The following DGKB variants were observed in gnomAD, a reference collection of about 807,000 sequenced individuals.
DGKB encodes 90 kDa diacylglycerol kinase.
A neutral mutation model predicts 114.3 loss-of-function variants in DGKB; 67 were observed. The observed-to-expected ratio is 0.59, with a 90% CI of 0.48 to 0.72. The LOEUF (loss-of-function observed/expected upper bound fraction) is 0.72. Among genes scored for constraint, DGKB ranks in the 30% least tolerant of loss-of-function variants. The pLI, the probability that DGKB is intolerant of heterozygous loss-of-function variation, is 0.00. For synonymous variants in DGKB, 398 were observed against 323.1 expected, an observed-to-expected ratio of 1.23 and a Z score of -2.49; for missense variants, 907 against 975.2, an observed-to-expected ratio of 0.93 and a Z score of 0.93.
intron 7 of DGKB, among the ~76,000 whole-genome samples, chr7:14,699,068 C>A (rs1824632671): frequency 6.6e-6 from 1 of 151,988 alleles, no homozygotes; most frequent in East Asian, 1.9e-4. Flanking sequence ...AAAACAGATT[C>A]TCTTTTGGGA....
intron 1 of DGKB, among the ~76,000 whole-genome samples, chr7:14,946,558 C>T (rs1194603017): frequency 6.6e-6 from 1 of 151,696 alleles, no homozygotes; most frequent in Non-Finnish European, 1.5e-5. Context: ...TCAATAACAG[C>T]ATCCTTGTCC....
intron 13 of DGKB, among the ~76,000 whole-genome samples, 181 bp downstream of exon 13, chr7:14,672,748 A>C (rs1819178080): frequency 6.6e-6 from 1 of 152,152 alleles, no homozygotes; most frequent in South Asian, 2.1e-4. Context: ...GCGTATTTTG[A>C]CAGAAGGAAA....
At chr7:14,558,328 A>G (rs1796167332) in intron 20 of DGKB, among the ~76,000 whole-genome samples, 1 of 151,940 alleles carries the variant, frequency 6.6e-6, no homozygotes, top group South Asian at 2.1e-4. Context: ...AAGTTTATAA[A>G]TCTTCTTCTG....
chr7:14,572,228 C>T (rs565112883), intron 20 of DGKB, among the ~76,000 whole-genome samples: 3 of 151,008 alleles, frequency 2.0e-5, no homozygotes, highest in East Asian at 2.0e-4. Flanking sequence ...CCGAGGTGGG[C>T]GGATCATGAG....
At chr7:14,846,314 G>C (rs1446999029) in intron 1 of DGKB, among the ~76,000 whole-genome samples, 3 of 152,142 alleles carry the variant, frequency 2.0e-5, no homozygotes, top group Middle Eastern at 6.8e-3. Context: ...AATTCTCATA[G>C]TTCTAACCCT....
rs1414047873 is a variant in DGKB at position 14,452,125 on chromosome 7, AT to A, written c.1835+26035del. Among the ~76,000 whole-genome samples the A allele has an allele frequency of 2.0e-5, 3 of 152,220 alleles. No homozygotes were observed. The East Asian group carries it at 5.8e-4, about 29-fold the overall frequency. Reference sequence around the variant, plus strand: ...AATTATCACCATCGATATGCTTGCAATATTTCCTGCCCAATAGAAAAGAACA... The same window carrying A: ...AATTATCACCATCGATATGCTTGCAAATTTCCTGCCCAATAGAAAAGAACA... On this transcript the variant is annotated intron_variant, in intron 21 of 25. Transcript: ENST00000402815.
chr7:14,881,627 T>C lies in DGKB; in HGVS notation c.-188+20965A>G, dbSNP rs181475352. On this transcript the variant is annotated intron_variant, in intron 1 of 25. Coordinates refer to ENST00000402815, the MANE Select transcript of DGKB (RefSeq NM_001350709.2). The stretch of plus-strand genomic sequence containing the variant: ...GGTATTATGTGTGTAGAATGCTAGT[T>C]GTTTTGTACCAGGAACACTGTGGTG... 6.6e-5 allele frequency among the ~76,000 whole-genome samples: 10 copies of C among 152,210 alleles called. 1 individual carries two copies. In the East Asian group the frequency reaches 1.7e-3, roughly 26 times the overall value.
At chr7:14,747,117 T>C (rs1442096620) in intron 4 of DGKB, among the ~76,000 whole-genome samples, 1 of 152,118 alleles carries the variant, frequency 6.6e-6, no homozygotes, top group African/African-American at 2.4e-5. Context: ...CTGTGTTCTT[T>C]GGAGCAAAAT....
intron 9 of DGKB, among the ~76,000 whole-genome samples, chr7:14,693,276 T>G (rs1823208742): frequency 6.6e-6 from 1 of 152,120 alleles, no homozygotes; most frequent in Non-Finnish European, 1.5e-5. Context: ...AATTATTGCA[T>G]AACTATTAAT....
chr7:14,526,542 G>A (rs533734551), intron 20 of DGKB, among the ~76,000 whole-genome samples: 3 of 152,146 alleles, frequency 2.0e-5, no homozygotes, highest in Non-Finnish European at 2.9e-5. Flanking sequence ...TTTGAGAAAG[G>A]CATTGTGATA....
At chr7:14,897,339 C>A (rs1449808940) in intron 1 of DGKB, among the ~76,000 whole-genome samples, 1 of 151,852 alleles carries the variant, frequency 6.6e-6, no homozygotes, top group African/African-American at 2.4e-5. Context: ...AATTTCCCAC[C>A]ATCAACCATC....
chr7:14,427,537 T>G (rs1219192572), intron 21 of DGKB, among the ~76,000 whole-genome samples: 1 of 152,136 alleles, frequency 6.6e-6, no homozygotes, highest in African/African-American at 2.4e-5. Flanking sequence ...TTTACTGTAT[T>G]AGTCCATTTT....
At chr7:14,875,860 T>C (rs1048928944) in intron 1 of DGKB, among the ~76,000 whole-genome samples, 8 of 152,030 alleles carry the variant, frequency 5.3e-5, no homozygotes, top group Non-Finnish European at 5.9e-5. Flanking sequence ...CTGTCATTAG[T>C]GTTAGTTGTA....
At chr7:14,757,408 G>C (rs1350578748) in intron 3 of DGKB, among the ~76,000 whole-genome samples, 1 of 151,876 alleles carries the variant, frequency 6.6e-6, no homozygotes, top group Non-Finnish European at 1.5e-5. Flanking sequence ...ATATCTTCTA[G>C]AATAGCACTG....
intron 23 of DGKB, among the ~76,000 whole-genome samples, chr7:14,321,617 A>G (rs1807828879): frequency 6.6e-6 from 1 of 151,580 alleles, no homozygotes; most frequent in Admixed American, 6.6e-5. Flanking sequence ...AAAAAAAAAA[A>G]AAGAAAAGGA....
chr7:14,296,763 T>C lies in DGKB; in HGVS notation c.2122+41752A>G, dbSNP rs1448455646. ...AAAATCAGTGAATCCAGGGACTGTT[T>C]TTTTTTTTTTTTTTTTTTTTAAAGA... On this transcript the variant is annotated intron_variant, in intron 23 of 25. Coordinates refer to ENST00000402815, the MANE Select transcript of DGKB (RefSeq NM_001350709.2). Among the ~76,000 whole-genome samples, 4 of 23,468 alleles carry C rather than the reference T, an allele frequency of 1.7e-4. No individual in the cohort carries two copies. In the East Asian group the frequency reaches 0.015, roughly 88 times the overall value. The allele number at this position is 23,468 out of a possible 152,430, so 15.4% of individuals were successfully genotyped here.
intron 2 of DGKB, among the ~76,000 whole-genome samples, chr7:14,816,149 G>A (rs1159355444): frequency 6.6e-6 from 1 of 152,026 alleles, no homozygotes; most frequent in Non-Finnish European, 1.5e-5. Flanking sequence ...TGGCTAACAT[G>A]GTGAAATCCC....
At chr7:14,212,881 T>TAAGTA (rs1474135359) in intron 23 of DGKB, among the ~76,000 whole-genome samples, 1 of 152,110 alleles carries the variant, frequency 6.6e-6, no homozygotes, top group Non-Finnish European at 1.5e-5. Flanking sequence ...GATCAATTAG[T>TAAGTA]AAGTATTGCC....
chr7:14,384,124 A>G (rs1283236254), intron 21 of DGKB, among the ~76,000 whole-genome samples: 1 of 152,242 alleles, frequency 6.6e-6, no homozygotes, highest in African/African-American at 2.4e-5. Flanking sequence ...ATATTTGAGA[A>G]ACAGTCCAAG....
Sources: gnomAD v4.1 joint callset for allele counts (sites outside exome capture counted in the v4.1 genomes callset) on GRCh38, gnomAD v4.1.1 for gene constraint, MANE v1.5 for transcripts, NCBI Gene and HGNC (gene_info 2026-07-23, HGNC 2026-07-21) for gene names.